TKT: variants seen among roughly 807,000 people sequenced by gnomAD.
The protein encoded by TKT is epididymis luminal protein 107.
A neutral mutation model predicts 63.9 loss-of-function variants in TKT; 47 were observed. That is an observed-to-expected ratio of 0.74 (90% confidence interval 0.58 to 0.94). The LOEUF (loss-of-function observed/expected upper bound fraction) is 0.94. Among genes scored for constraint, TKT ranks in the 40% least tolerant of loss-of-function variants. TKT has a pLI of 0.00. For synonymous variants in TKT, 338 were observed against 334.1 expected (o/e 1.01, Z -0.13); for missense variants, 721 against 846.2 (o/e 0.85, Z 1.84).
intron 1 of TKT, among the ~76,000 whole-genome samples, chr3:53,245,796 C>T (rs1302111583): frequency 4.6e-5 from 7 of 152,032 alleles, no homozygotes; most frequent in Admixed American, 3.9e-4. Context: ...AAAATAATAA[C>T]AATAATGAAA....
chr3:53,229,574 C>A, intron 8 of TKT, 138 bp from the exon 9 acceptor site: 1 of 999,972 alleles, frequency 1.0e-6, no homozygotes, highest in Non-Finnish European at 1.5e-6. Flanking sequence ...ATGTCCCCCA[C>A]CACCTTCTTC....
rs1553679549 is a variant in TKT at position 53,240,365 on chromosome 3, C to T, written c.340-17G>A. The T allele has an allele frequency of 6.2e-7, 1 of 1,606,050 alleles. No individual in the cohort carries two copies. The highest frequency in any genetic ancestry group is 1.7e-5 in the Admixed American group (1 of 59,730). On this transcript the variant is annotated splice_polypyrimidine_tract_variant and intron_variant, in intron 3 of 13. Transcript: ENST00000462138. ...AGCTTGTTTCTGTCATAACAGAAGG[C>T]CACCGTTAATCTGAGAGGAGAAGGG...
At chr3:53,249,366 G>A (rs1361245071) in intron 1 of TKT, among the ~76,000 whole-genome samples, 1 of 152,050 alleles carries the variant, frequency 6.6e-6, no homozygotes, top group Non-Finnish European at 1.5e-5. Flanking sequence ...AGGATCACCT[G>A]AGGTCAGGAA....
intron 1 of TKT, among the ~76,000 whole-genome samples, chr3:53,248,627 C>A (rs1705617215): frequency 9.3e-6 from 1 of 107,936 alleles, no homozygotes; most frequent in Admixed American, 1.1e-4. Flanking sequence ...AGACCCTGCC[C>A]CCCACCCCCC....
intron 1 of TKT, among the ~76,000 whole-genome samples, chr3:53,254,941 G>A (rs1213588535): frequency 6.6e-6 from 1 of 152,248 alleles, no homozygotes; most frequent in Non-Finnish European, 1.5e-5. Flanking sequence ...GCCAGCTCCT[G>A]CCTGGGAGAT....
At chr3:53,249,052 C>T (rs181575587) in intron 1 of TKT, among the ~76,000 whole-genome samples, 4 of 151,898 alleles carry the variant, frequency 2.6e-5, no homozygotes, top group Admixed American at 1.3e-4. Flanking sequence ...CTGCAACCTC[C>T]GCCTCCCGGG....
intron 1 of TKT, among the ~76,000 whole-genome samples, chr3:53,252,835 A>T: frequency 6.9e-6 from 1 of 145,432 alleles, no homozygotes; most frequent in Non-Finnish European, 1.5e-5. Context: ...TGCTTGCCCA[A>T]GAGGCATTCT....
chr3:53,226,561 G>C lies in TKT; in HGVS notation c.1696+195C>G. 4.5e-6 allele frequency: 3 copies of C among 664,812 alleles called. No individual in the cohort carries two copies. The South Asian group carries it at 5.7e-5, about 13-fold the overall frequency. The allele number at this position is 664,812 out of a possible 1,614,324, so 41.2% of individuals were successfully genotyped here. A position where few individuals can be genotyped will look rare whatever the true frequency, so the allele number is the denominator to read the frequency against. On this transcript the variant is annotated intron_variant, in intron 13 of 13. Transcript: ENST00000462138. Reference sequence around the variant, plus strand: ...AGCAGGAGCTCCACAGAGCTCATCAGCAGCTGTGAGTTAGCTAGGTCCCCA... The same window carrying C: ...AGCAGGAGCTCCACAGAGCTCATCACCAGCTGTGAGTTAGCTAGGTCCCCA...
chr3:53,227,882 C>G lies in TKT; in HGVS notation c.1573+174G>C, dbSNP rs190268855. On this transcript the variant is annotated intron_variant, in intron 12 of 13. Coordinates refer to ENST00000462138, the MANE Select transcript of TKT (RefSeq NM_001064.4). Reference sequence around the variant, plus strand: ...CCCCAGGACTTAGCAACATGCCAGACAGAACAAGTGCTCAAAGGATGGCTA... The same window carrying G: ...CCCCAGGACTTAGCAACATGCCAGAGAGAACAAGTGCTCAAAGGATGGCTA... 3 of 607,748 alleles carry G rather than the reference C, an allele frequency of 4.9e-6. No individual in the cohort carries two copies. In the African/African-American group the frequency reaches 5.6e-5, roughly 11 times the overall value. The allele number at this position is 607,748 out of a possible 1,614,324, so 37.6% of individuals were successfully genotyped here.
At position 53,225,306 on chromosome 3, in the gene TKT, T is replaced by TG. The variant is rs1704452225; in HGVS notation, c.*449dup. ...ACCTGACTGCAAGGCTGTGGGGACT[T>TG]GGGGGAGGTGGGGCGGCCCTGAGAG... On this transcript the variant is annotated 3_prime_UTR_variant, in exon 14 of 14. Transcript: ENST00000462138. 1 of 104,522 alleles carries TG rather than the reference T, an allele frequency of 9.6e-6. No homozygotes were observed. Among genetic ancestry groups the TG allele is most frequent in the Non-Finnish European group, 2.2e-5 (1 of 45,510 alleles). 6.5% of individuals were successfully genotyped at this position (104,522 alleles called of 1,614,324 possible). A position where few individuals can be genotyped will look rare whatever the true frequency, so the allele number is the denominator to read the frequency against.
At chr3:53,247,686 G>A (rs1201894972) in intron 1 of TKT, among the ~76,000 whole-genome samples, 3 of 151,104 alleles carry the variant, frequency 2.0e-5, no homozygotes, top group African/African-American at 7.3e-5. Flanking sequence ...AGGATGTCAG[G>A]GTGGAAATGA....
At chr3:53,230,716 G>C in intron 7 of TKT, 95 bp from the exon 8 acceptor site, 1 of 1,444,056 alleles carries the variant, frequency 6.9e-7, no homozygotes, top group East Asian at 2.4e-5. Flanking sequence ...ATTAAAACGG[G>C]GCCAAAAATG....
Position 53,231,349 on chromosome 3 carries a change from C to A in TKT, c.942+8G>T, listed in dbSNP as rs782700348. 1 of 1,612,572 alleles carries A rather than the reference C, an allele frequency of 6.2e-7. No homozygotes were observed. The highest frequency in any genetic ancestry group is 2.2e-5 in the East Asian group (1 of 44,888). Reference sequence around the variant, plus strand: ...TATGGGTTCAGAGAAACAGGCCCCACTTTGTACCTTGTCCCCAACTTTGTA... The same window carrying A: ...TATGGGTTCAGAGAAACAGGCCCCAATTTGTACCTTGTCCCCAACTTTGTA... On this transcript the variant is annotated splice_region_variant and intron_variant, in intron 7 of 13. Transcript: ENST00000462138.
At position 53,235,192 on chromosome 3, in the gene TKT, A is replaced by G; in HGVS notation, c.438-18T>C. On this transcript the variant is annotated intron_variant, in intron 4 of 13. Coordinates refer to ENST00000462138, the MANE Select transcript of TKT (RefSeq NM_001064.4). ...CTCGGTAGCTGTGGACAGAGAGTGA[A>G]TCAGGCCAGTCCCTCTCACCTGGAC... The G allele has an allele frequency of 6.3e-7, 1 of 1,596,746 alleles. No homozygotes were observed. The highest frequency in any genetic ancestry group is 8.5e-7 in the Non-Finnish European group (1 of 1,169,820).
chr3:53,234,898 G>A, intron 5 of TKT, 85 bp downstream of exon 5: 1 of 1,398,220 alleles, frequency 7.2e-7, no homozygotes, highest in South Asian at 1.5e-5. Context: ...CCCAGCTTCA[G>A]CTCCTGCACC....
At chr3:53,232,539 G>A (rs956092024) in intron 6 of TKT, 9 of 398,724 alleles carry the variant, frequency 2.3e-5, no homozygotes, top group African/African-American at 1.8e-4. Context: ...ACCACTTGTA[G>A]TCTCATTTTC....
rs994042757 is a variant in TKT at position 53,234,809 on chromosome 3, G to A, written c.629+174C>T. 8.4e-6 allele frequency: 5 copies of A among 596,406 alleles called. No individual in the cohort carries two copies. In the East Asian group the frequency reaches 9.5e-5, roughly 11 times the overall value. 36.9% of individuals were successfully genotyped at this position (596,406 alleles called of 1,614,324 possible). On this transcript the variant is annotated intron_variant, in intron 5 of 13. Transcript: ENST00000462138. ...ACTGGGCCTGGCCCACATATCCTGA[G>A]CCATTAAGTCCAAATGCCTAGAGTT...
At chr3:53,249,277 T>C (rs1427743525) in intron 1 of TKT, among the ~76,000 whole-genome samples, 1 of 151,368 alleles carries the variant, frequency 6.6e-6, no homozygotes, top group Non-Finnish European at 1.5e-5. Context: ...GCCTAAAAAT[T>C]TGTTTTTAAA....
intron 6 of TKT, chr3:53,232,413 A>C (rs1553677370): frequency 2.5e-6 from 1 of 398,718 alleles, no homozygotes; most frequent in Non-Finnish European, 4.4e-6. Context: ...AACAAGCCAC[A>C]ACCCCTGAGA....
Sources: allele counts gnomAD v4.1 joint callset (sites outside exome capture counted in the v4.1 genomes callset), GRCh38; gene constraint gnomAD v4.1.1; transcripts MANE v1.5; gene names NCBI Gene and HGNC (gene_info 2026-07-23, HGNC 2026-07-21).